RBFOX1: variants seen among roughly 807,000 people sequenced by gnomAD.
RBFOX1 encodes RNA binding protein fox-1 homolog 1.
RBFOX1 carries 8 observed loss-of-function variants against 57.7 expected under a neutral mutation model. That is an observed-to-expected ratio of 0.14 (90% CI 0.08 to 0.25). The LOEUF (loss-of-function observed/expected upper bound fraction) is 0.25, where lower values mean the gene tolerates loss of function less well. Among genes scored for constraint, RBFOX1 ranks in the 10% least tolerant of loss-of-function variants. The pLI is 1.00. For missense variants in RBFOX1, 611 were observed against 548.5 expected (o/e 1.11, Z -1.14); for synonymous variants, 326 against 222.4 (o/e 1.47, Z -4.15).
rs574911595 is a variant in RBFOX1, at chr16:6,510,478, G to T, written c.-63-144125G>T. Among the ~76,000 whole-genome samples, 16 of 152,290 alleles carry T rather than the reference G, an allele frequency of 1.1e-4. No homozygotes were observed. In the South Asian group the frequency reaches 3.1e-3, roughly 30 times the overall value. On this transcript the variant is annotated intron_variant, in intron 2 of 15. Coordinates refer to ENST00000550418, the MANE Select transcript of RBFOX1 (RefSeq NM_018723.4). ...AAGATGTGATTTTGGTCACAGAGGA[G>T]ACCAGGTGAGGGACAGCAGGCACAG...
At chr16:7,281,020 C>CTTCT (rs1421580499) in intron 4 of RBFOX1, among the ~76,000 whole-genome samples, 2 of 114,820 alleles carry the variant, frequency 1.7e-5, no homozygotes, top group South Asian at 7.9e-4. Flanking sequence ...TCCTTCCTTC[C>CTTCT]GAGACAGAGT....
intron 3 of RBFOX1, among the ~76,000 whole-genome samples, chr16:5,769,318 A>T (rs1375063063): frequency 6.6e-6 from 1 of 151,992 alleles, no homozygotes. Flanking sequence ...GGTGGGCCCT[A>T]ATCCAGTATG....
At chr16:6,536,995 C>T (rs1335717562) in intron 2 of RBFOX1, among the ~76,000 whole-genome samples, 1 of 152,094 alleles carries the variant, frequency 6.6e-6, no homozygotes, top group African/African-American at 2.4e-5. Flanking sequence ...ATTGTCTTTT[C>T]TGGGGAAAGA....
At chr16:5,423,001 G>T (rs1294732789) in intron 1 of RBFOX1, among the ~76,000 whole-genome samples, 1 of 115,608 alleles carries the variant, frequency 8.6e-6, no homozygotes, top group Non-Finnish European at 1.8e-5. Context: ...GAGGAGGGGA[G>T]GAAGGAGGAG....
rs533854510 is a variant in RBFOX1 at position 5,969,602 on chromosome 16, G to A, written c.351+102267G>A. 3.8e-4 allele frequency among the ~76,000 whole-genome samples: 58 copies of A among 151,608 alleles called. No individual in the cohort carries two copies. In the East Asian group the frequency reaches 1.0e-2, roughly 26 times the overall value. On this transcript the variant is annotated intron_variant, in intron 4 of 19. Transcript: ENST00000641259. ...CTCCCACAGTGCTGGGATTACAGGT[G>A]TGAACCACCATGTCCAGCCTTTGTT...
At chr16:5,541,340 C>T (rs1386065) in intron 2 of RBFOX1, among the ~76,000 whole-genome samples, 48,497 of 151,956 alleles carry the variant, frequency 0.32, 9,018 homozygotes, top group East Asian at 0.85. Context: ...TGAGGACACA[C>T]GCCCATGACA....
At chr16:5,266,620 T>C (rs2062865680) in intron 1 of RBFOX1, among the ~76,000 whole-genome samples, 1 of 147,250 alleles carries the variant, frequency 6.8e-6, no homozygotes, top group South Asian at 2.2e-4. Context: ...CGATCATGGC[T>C]CACTGCAGCC....
chr16:6,667,991 A>G (rs1187291976), intron 3 of RBFOX1, among the ~76,000 whole-genome samples: 1 of 152,194 alleles, frequency 6.6e-6, no homozygotes, highest in African/African-American at 2.4e-5. Context: ...TGTTTCTTAG[A>G]TTCCTAGTGA....
At chr16:7,099,562 C>G (rs1229223925) in intron 4 of RBFOX1, among the ~76,000 whole-genome samples, 2 of 152,100 alleles carry the variant, frequency 1.3e-5, no homozygotes, top group Non-Finnish European at 2.9e-5. Flanking sequence ...GGTTATTTTG[C>G]TGAGGTTAAG....
At chr16:6,212,904 A>G (rs2097308118) in intron 1 of RBFOX1, among the ~76,000 whole-genome samples, 1 of 152,208 alleles carries the variant, frequency 6.6e-6, no homozygotes, top group Admixed American at 6.5e-5. Flanking sequence ...TTAACGAAGA[A>G]TTGAAGGGCC....
At chr16:7,409,477 A>G (rs543873788) in intron 4 of RBFOX1, among the ~76,000 whole-genome samples, 1 of 152,226 alleles carries the variant, frequency 6.6e-6, no homozygotes, top group Non-Finnish European at 1.5e-5. Context: ...AAAACAGCAC[A>G]GGGCTCCTGA....
chr16:5,935,248 G>C (rs2059144426), intron 4 of RBFOX1, among the ~76,000 whole-genome samples: 1 of 152,208 alleles, frequency 6.6e-6, no homozygotes, highest in Non-Finnish European at 1.5e-5. Context: ...AGATCAGGAA[G>C]TATCTGCCAT....
chr16:5,305,508 C>T (rs1349339637), intron 1 of RBFOX1, among the ~76,000 whole-genome samples: 1 of 152,134 alleles, frequency 6.6e-6, no homozygotes, highest in African/African-American at 2.4e-5. Flanking sequence ...ATGTTTTACC[C>T]TATTGATTAG....
intron 2 of RBFOX1, among the ~76,000 whole-genome samples, chr16:5,577,389 C>T (rs556316390): frequency 6.6e-6 from 1 of 152,264 alleles, no homozygotes; most frequent in East Asian, 1.9e-4. Flanking sequence ...CTCACCTCAA[C>T]ATTTTTATGT....
At chr16:6,058,825 CATTT>C (rs200504457) in intron 1 of RBFOX1, among the ~76,000 whole-genome samples, 4,469 of 96,050 alleles carry the variant, frequency 0.047, 87 homozygotes, top group South Asian at 0.077. Flanking sequence ...CTTACCCACT[CATTT>C]ATTTATCCAT....
intron 3 of RBFOX1, among the ~76,000 whole-genome samples, chr16:6,921,382 T>G (rs2074405919): frequency 1.3e-5 from 2 of 152,166 alleles, no homozygotes; most frequent in African/African-American, 2.4e-5. Context: ...GGGATGGATA[T>G]GCTTCGAAGA....
Position 6,621,453 on chromosome 16 carries a change from G to T in RBFOX1, c.-63-33150G>T, listed in dbSNP as rs2098230116. 2.6e-5 allele frequency among the ~76,000 whole-genome samples: 4 copies of T among 150,948 alleles called. No homozygotes were observed. The South Asian group carries it at 8.6e-4, about 32-fold the overall frequency. On this transcript the variant is annotated intron_variant, in intron 2 of 15. Transcript: ENST00000550418. ...CGCTCCAGCCTGGGTGACAGAGCCA[G>T]ACTCTGTCTCAAAACAAACAAACAA...
intron 4 of RBFOX1, among the ~76,000 whole-genome samples, chr16:7,121,647 A>G (rs2067208373): frequency 6.6e-6 from 1 of 152,076 alleles, no homozygotes; most frequent in Non-Finnish European, 1.5e-5. Flanking sequence ...TAAGTTTAAC[A>G]CAATACAAAT....
At chr16:6,630,112 G>A (rs922610151) in intron 2 of RBFOX1, among the ~76,000 whole-genome samples, 10 of 151,982 alleles carry the variant, frequency 6.6e-5, no homozygotes, top group African/African-American at 2.4e-4. Context: ...AAGCTTCTGT[G>A]CTTGACATCT....
Sources: gnomAD v4.1 joint callset for allele counts (sites outside exome capture counted in the v4.1 genomes callset) on GRCh38, gnomAD v4.1.1 for gene constraint, MANE v1.5 for transcripts, NCBI Gene and HGNC (gene_info 2026-07-23, HGNC 2026-07-21) for gene names.